EXT2: variants seen among roughly 807,000 people sequenced by gnomAD.
EXT2 encodes the protein exostosin glycosyltransferase 2, also known as exostosin-2.
Under a neutral mutation model 81.6 loss-of-function variants are expected in EXT2, and 53 were observed. The ratio of observed to expected loss-of-function variants is 0.65; its 90% CI spans 0.52 to 0.82. EXT2 has a LOEUF of 0.82. Ranked by LOEUF, EXT2 falls within the 40% of genes least tolerant of loss-of-function variation. The pLI is 0.00. For synonymous variants in EXT2, 320 were observed against 340.0 expected, an observed-to-expected ratio of 0.94 and a Z score of 0.65; for missense variants, 774 against 910.2, an observed-to-expected ratio of 0.85 and a Z score of 1.93.
chr11:44,101,117 G>A (rs568002640), intron 1 of EXT2, among the ~76,000 whole-genome samples: 3 of 152,246 alleles, frequency 2.0e-5, no homozygotes, highest in South Asian at 4.2e-4. Flanking sequence ...TGGGGGTGGG[G>A]TGGGGAGAAT....
intron 10 of EXT2, among the ~76,000 whole-genome samples, chr11:44,214,086 C>A (rs1217507794): frequency 2.0e-5 from 3 of 151,640 alleles, no homozygotes; most frequent in African/African-American, 7.3e-5. Flanking sequence ...GATCTCCAGA[C>A]CATAGGTGAT....
rs1478658213 is a variant in EXT2, at chr11:44,095,727, C to T, written c.-156C>T. On this transcript the variant is annotated 5_prime_UTR_variant, in exon 1 of 14. Coordinates refer to ENST00000533608, the MANE Select transcript of EXT2 (RefSeq NM_207122.2). ...GCCCCTCGCTCGCTGCTCGCCAGCC[C>T]AGACTCGGCCCTGGCAGTGGCGGCT... is the stretch of plus-strand genomic sequence containing the variant. 6.5e-6 allele frequency: 1 copy of T among 153,684 alleles called. No individual in the cohort carries two copies. Among genetic ancestry groups the T allele is most frequent in the Non-Finnish European group, 1.4e-5 (1 of 69,194 alleles). 9.5% of individuals were successfully genotyped at this position (153,684 alleles called of 1,614,324 possible).
At chr11:44,232,766 G>A (rs574439411) in intron 11 of EXT2, among the ~76,000 whole-genome samples, 11 of 152,204 alleles carry the variant, frequency 7.2e-5, no homozygotes, top group East Asian at 5.8e-4. Flanking sequence ...CCAGCTTGCC[G>A]TTTATTTATT....
In EXT2 at chr11:44,216,490, A is replaced by G. The variant is rs144186957; in HGVS notation, c.1662+9531A>G. ...CATGTTGAAATTGAAGAAAGAAAAC[A>G]AGAAGTTATTTTAATGGAGGAGAGA... On this transcript the variant is annotated intron_variant, in intron 10 of 13. Transcript: ENST00000533608. 5.3e-4 allele frequency among the ~76,000 whole-genome samples: 81 copies of G among 152,336 alleles called. 1 individual carries two copies. In the East Asian group the frequency reaches 0.014, roughly 26 times the overall value.
intron 4 of EXT2, chr11:44,116,957 G>C (rs1954229533): frequency 6.6e-6 from 1 of 150,976 alleles, no homozygotes; most frequent in Non-Finnish European, 1.5e-5. Flanking sequence ...TCTATAGACT[G>C]CTTTTCACTT....
At chr11:44,129,909 A>G (rs1031233619) in intron 6 of EXT2, 136 bp from the exon 7 acceptor site, 2 of 734,752 alleles carry the variant, frequency 2.7e-6, no homozygotes, top group African/African-American at 1.7e-5. Context: ...GAAAGAGATA[A>G]TACTTACCGG....
At chr11:44,212,418 T>C (rs7947477) in intron 10 of EXT2, among the ~76,000 whole-genome samples, 55,861 of 151,360 alleles carry the variant, frequency 0.37, 10,681 homozygotes, top group Middle Eastern at 0.51. Context: ...TACAACAGTT[T>C]TAAAATAAAA....
At chr11:44,234,054 A>G (rs950151776) in intron 11 of EXT2, 61 bp from the exon 12 acceptor site, 1 of 1,611,708 alleles carries the variant, frequency 6.2e-7, no homozygotes, top group African/African-American at 1.3e-5. Context: ...GCTGCCCCTT[A>G]TTTATCAGCT....
At position 44,221,063 on chromosome 11, in the gene EXT2, G is replaced by A. The variant is rs138883854; in HGVS notation, c.1663-11290G>A. Among the ~76,000 whole-genome samples, 8 of 152,276 alleles carry A rather than the reference G, an allele frequency of 5.3e-5. No homozygotes were observed. In the East Asian group the frequency reaches 1.5e-3, roughly 29 times the overall value. On this transcript the variant is annotated intron_variant, in intron 10 of 13. Transcript: ENST00000533608. ...AACAAGTTCAGAATTTGTTTATATA[G>A]CCATTAATGAAACATCCAATGTAGA...
At position 44,109,205 on chromosome 11, in the gene EXT2, G is replaced by A. The variant is rs1301437376; in HGVS notation, c.548G>A (p.Gly183Asp). Reference protein sequence around the residue: ...AMAQLSRWDRGTNHLLFNMLP... With the variant: ...AMAQLSRWDRDTNHLLFNMLP... Reference sequence around the variant, plus strand: ...AAATTTCTTGACAGGTGGGATCGAGGTACGAATCACCTGTTGTTCAACATG... The same window carrying A: ...AAATTTCTTGACAGGTGGGATCGAGATACGAATCACCTGTTGTTCAACATG... The change falls in exon 3 of 14, where the codon GGT becomes GAT. Residue 183 changes from glycine to aspartate, a missense_variant. Physicochemically the swap from Gly to Asp is moderately conservative, Grantham distance 94. Around this residue, in one of 2 missense-constraint regions of EXT2, gnomAD observed 626 missense variants for 670.5 expected, o/e 0.93. Coordinates refer to ENST00000533608, the MANE Select transcript of EXT2 (RefSeq NM_207122.2). 6.2e-7 allele frequency: 1 copy of A among 1,614,042 alleles called. No individual in the cohort carries two copies. Among genetic ancestry groups the A allele is most frequent in the South Asian group, 1.1e-5 (1 of 91,066 alleles).
chr11:44,153,925 T>G (rs11037891), intron 7 of EXT2, among the ~76,000 whole-genome samples: 37,608 of 151,068 alleles, frequency 0.25, 4,829 homozygotes, highest in Non-Finnish European at 0.28. Context: ...GTTGTTGTTG[T>G]TTTTTTTTAG....
rs1180089435 is a variant in EXT2, at chr11:44,245,482, G to C, written c.*1195G>C. 1.1e-5 allele frequency: 2 copies of C among 183,320 alleles called. No homozygotes were observed. The highest frequency in any genetic ancestry group is 4.7e-5 in the African/African-American group (2 of 42,544). 11.4% of individuals were successfully genotyped at this position (183,320 alleles called of 1,614,324 possible). On this transcript the variant is annotated 3_prime_UTR_variant, in exon 14 of 14. Transcript: ENST00000533608. ...CCAGTTGATGAACAAATCTACCCTGGCGAATGTTAAATGTTATGGATTCGA... is the reference window on the plus strand; with the variant it reads ...CCAGTTGATGAACAAATCTACCCTGCCGAATGTTAAATGTTATGGATTCGA...
intron 8 of EXT2, among the ~76,000 whole-genome samples, chr11:44,184,342 T>C (rs1030543318): frequency 5.9e-5 from 9 of 152,358 alleles, no homozygotes; most frequent in Admixed American, 2.0e-4. Context: ...CTTGGTTTAA[T>C]AAAACTAGCT....
In EXT2 at chr11:44,108,093, C is replaced by T. The variant is rs781169649; in HGVS notation, c.381C>T (p.Ser127=). The part of the protein sequence containing the change: ...DFGVSVSNTI[S]REYNELLMAI... ...GCGTCTCTGTCAGCAACACCATCTCCCGGGAGTATAATGAACTGCTCATGG... is the reference window on the plus strand; with the variant it reads ...GCGTCTCTGTCAGCAACACCATCTCTCGGGAGTATAATGAACTGCTCATGG... Residue 127 remains serine (S), a synonymous_variant, in exon 2 of 14, where the codon TCC becomes TCT. Transcript: ENST00000533608. 1 of 1,614,172 alleles carries T rather than the reference C, an allele frequency of 6.2e-7. No homozygotes were observed. Among genetic ancestry groups the T allele is most frequent in the Non-Finnish European group, 8.5e-7 (1 of 1,180,022 alleles).
chr11:44,201,800 C>T (rs1434382126), intron 9 of EXT2, among the ~76,000 whole-genome samples: 1 of 152,130 alleles, frequency 6.6e-6, no homozygotes, highest in Non-Finnish European at 1.5e-5. Flanking sequence ...TGCTCCAGTC[C>T]TAATTTTTTT....
rs376292686 is a variant in EXT2, at chr11:44,107,995, C to T, written c.283C>T (p.Arg95Cys). 2.9e-5 allele frequency: 47 copies of T among 1,614,196 alleles called. No homozygotes were observed. Among genetic ancestry groups the T allele is most frequent in the African/African-American group, 1.1e-4 (8 of 75,058 alleles). The change falls in exon 2 of 14, where the codon CGC becomes TGC. Residue 95 changes from arginine (R) to cysteine (C), a missense_variant. By Grantham distance (180) the Arg-to-Cys change is radical (BLOSUM62 -3). Coordinates refer to ENST00000533608, the MANE Select transcript of EXT2 (RefSeq NM_207122.2). ...AATGCACACGTGTTTTGATGTCTAT[C>T]GCTGTGGCTTCAACCCAAAGAACAA... ...CRMHTCFDVY[R>C]CGFNPKNKIK...
At chr11:44,190,910 G>A (rs1431616255) in intron 8 of EXT2, among the ~76,000 whole-genome samples, 1 of 152,182 alleles carries the variant, frequency 6.6e-6, no homozygotes, top group African/African-American at 2.4e-5. Context: ...AAGGGCTCAG[G>A]CAACTTCCTG....
At position 44,174,448 on chromosome 11, in the gene EXT2, CT is replaced by C. The variant is rs1955127189; in HGVS notation, c.1305+2709del. 4.0e-5 allele frequency among the ~76,000 whole-genome samples: 6 copies of C among 151,240 alleles called. No homozygotes were observed. The South Asian group carries it at 1.3e-3, about 32-fold the overall frequency. On this transcript the variant is annotated intron_variant, in intron 8 of 13. Transcript: ENST00000533608. ...TATATTTGTGTACATATATATATTC[CT>C]TTACAAGTCTTGGTAAATATTTCTT...
At chr11:44,099,244 G>T (rs765451113) in intron 1 of EXT2, among the ~76,000 whole-genome samples, 19 of 152,066 alleles carry the variant, frequency 1.2e-4, no homozygotes, top group Non-Finnish European at 2.4e-4. Context: ...AGACTGCAGT[G>T]GCGCGATCTC....
Sources: gnomAD v4.1 joint callset for allele counts (sites outside exome capture counted in the v4.1 genomes callset) on GRCh38, gnomAD v4.1.1 for gene constraint, gnomAD v4.1.1 regional missense constraint, MANE v1.5 for transcripts, NCBI Gene and HGNC (gene_info 2026-07-23, HGNC 2026-07-21) for gene names.